The following NXPH4 variants were observed in gnomAD, a reference collection of about 807,000 sequenced individuals.
NXPH4 encodes the protein neurexophilin-4.
A neutral mutation model predicts 21.3 loss-of-function variants in NXPH4; 8 were observed. The ratio of observed to expected loss-of-function variants is 0.38; its 90% CI spans 0.22 to 0.68. NXPH4 has a LOEUF of 0.68. Among genes scored for constraint, NXPH4 ranks in the 30% least tolerant of loss-of-function variants. The probability of loss-of-function intolerance (pLI) is 0.53; values close to 1 mark genes in which losing one functional copy is unlikely to be tolerated. For missense variants in NXPH4, 418 were observed against 416.8 expected (o/e 1.00, Z -0.03); for synonymous variants, 219 against 192.6 (o/e 1.14, Z -1.13).
intron 1 of NXPH4, among the ~76,000 whole-genome samples, chr12:57,223,834 C>G (rs374031115): frequency 6.6e-6 from 1 of 152,248 alleles, no homozygotes; most frequent in Non-Finnish European, 1.5e-5. Flanking sequence ...ATCTTGTCCT[C>G]GAGCCCATGC....
At chr12:57,224,807 C>T in intron 1 of NXPH4, 71 bp from the exon 2 acceptor site, 1 of 518,646 alleles carries the variant, frequency 1.9e-6, no homozygotes, top group Non-Finnish European at 3.3e-6. Flanking sequence ...AAGGGACTGG[C>T]GTCGATAGGG....
rs2037042327 is a variant in NXPH4, at chr12:57,216,841, TCCCGCC to T, written c.-128_-123del. 1.6e-3 allele frequency: 3 copies of T among 1,850 alleles called. No homozygotes were observed. Among genetic ancestry groups the T allele is most frequent in the Admixed American group, 0.019 (2 of 108 alleles). 0.1% of individuals were successfully genotyped at this position (1,850 alleles called of 1,614,324 possible). ...CCCAGTCCGCGGGCCGCGCCGCCGCTCCCGCCGCTCCCGCCGCTCCCGCCGCTCCCG... is the reference window on the plus strand; with the variant it reads ...CCCAGTCCGCGGGCCGCGCCGCCGCTGCTCCCGCCGCTCCCGCCGCTCCCG... On this transcript the variant is annotated 5_prime_UTR_variant, in exon 1 of 2. Transcript: ENST00000349394. This position sits in a 1 kb window ranked among gnomAD's most constrained non-coding sequence, Gnocchi z 5.3.
Position 57,219,626 on chromosome 12 carries a change from T to TA in NXPH4, c.57+2602dup, listed in dbSNP as rs367987075. ...CCACACCCTCCTCTAGCCCCCCAGC[T>TA]AATCTCTGCCTGGGCCACTTAGGCA... is the stretch of plus-strand genomic sequence containing the variant. On this transcript the variant is annotated intron_variant, in intron 1 of 1. Coordinates refer to ENST00000349394, the MANE Select transcript of NXPH4 (RefSeq NM_007224.4). Among the ~76,000 whole-genome samples the TA allele has an allele frequency of 2.6e-3, 389 of 152,266 alleles. 1 individual carries two copies. Among genetic ancestry groups the TA allele is most frequent in the African/African-American group, 9.0e-3 (376 of 41,548 alleles).
At position 57,225,069 on chromosome 12, in the gene NXPH4, CG is replaced by C; in HGVS notation, c.253del (p.Ala85ArgfsTer40). ...TGALARAGAA[G>X]ALPAQRTKRK... ...GGGCGCTGGCCCGGGCAGGGGCAGC[CG>C]GGGCGTTGCCCGCGCAGCGCACCAA... On this transcript the variant is annotated frameshift_variant, in exon 2 of 2. Coordinates refer to ENST00000349394, the MANE Select transcript of NXPH4 (RefSeq NM_007224.4). LOFTEE classifies it high-confidence loss of function. The C allele has an allele frequency of 1.4e-6, 2 of 1,474,828 alleles. No homozygotes were observed. The highest frequency in any genetic ancestry group is 1.8e-6 in the Non-Finnish European group (2 of 1,111,328). The allele number at this position is 1,474,828 out of a possible 1,614,324, so 91.4% of individuals were successfully genotyped here.
At chr12:57,222,727 C>G (rs558201269) in intron 1 of NXPH4, among the ~76,000 whole-genome samples, 4 of 152,264 alleles carry the variant, frequency 2.6e-5, no homozygotes, top group African/African-American at 9.6e-5. Context: ...CCTCCACCCT[C>G]TCTCAGGCCC....
chr12:57,225,438 C>G lies in NXPH4; in HGVS notation c.618C>G (p.Gly206=). Residue 206 remains glycine (G), a synonymous_variant, in exon 2 of 2, where the codon GGC becomes GGG. Coordinates refer to ENST00000349394, the MANE Select transcript of NXPH4 (RefSeq NM_007224.4). ...CAGCGGCGGGGCCCGGGCTTGGGGG[C>G]TCCCTCGGGGGCGCACTGGCGGGGC... The part of the protein sequence containing the change: ...AAAAAGPGLG[G]SLGGALAGPL... 1 of 1,603,316 alleles carries G rather than the reference C, an allele frequency of 6.2e-7. No individual in the cohort carries two copies. The highest frequency in any genetic ancestry group is 8.5e-7 in the Non-Finnish European group (1 of 1,177,658).
intron 1 of NXPH4, among the ~76,000 whole-genome samples, chr12:57,218,791 G>T (rs1051695185): frequency 6.6e-6 from 1 of 152,222 alleles, no homozygotes; most frequent in Non-Finnish European, 1.5e-5. Context: ...GCGGGTGTGT[G>T]AATATGTATA....
Position 57,217,806 on chromosome 12 carries a change from TC to T in NXPH4, c.57+781del, listed in dbSNP as rs529021155. ...GCTTCAACCTGCGAACATGCTGTGC[TC>T]ATATGTGCTGGGTGGAGGGCGTGGG... On this transcript the variant is annotated intron_variant, in intron 1 of 1. Coordinates refer to ENST00000349394, the MANE Select transcript of NXPH4 (RefSeq NM_007224.4). 1.7e-4 allele frequency among the ~76,000 whole-genome samples: 26 copies of T among 152,354 alleles called. 1 individual carries two copies. In the South Asian group the frequency reaches 5.0e-3, roughly 29 times the overall value.
chr12:57,221,405 G>A (rs766464959), intron 1 of NXPH4: 10 of 454,938 alleles, frequency 2.2e-5, no homozygotes, highest in South Asian at 1.2e-4. Context: ...GGAGGCCCAG[G>A]GGAGGTGCAC....
rs779346091 is a variant in NXPH4 at position 57,224,865 on chromosome 12, T to C, written c.58-13T>C. Reference sequence around the variant, plus strand: ...AACCCCAGCGTCTCTCTCTCCTCTTTCTTCGTGCACAGGCCGTCAGTGCCC... The same window carrying C: ...AACCCCAGCGTCTCTCTCTCCTCTTCCTTCGTGCACAGGCCGTCAGTGCCC... On this transcript the variant is annotated splice_polypyrimidine_tract_variant and intron_variant, in intron 1 of 1. Transcript: ENST00000349394. 14 of 780,130 alleles carry C rather than the reference T, an allele frequency of 1.8e-5. No individual in the cohort carries two copies. The highest frequency in any genetic ancestry group is 3.1e-5 in the Admixed American group (1 of 32,586). 48.3% of individuals were successfully genotyped at this position (780,130 alleles called of 1,614,324 possible). A position where few individuals can be genotyped will look rare whatever the true frequency, so the allele number is the denominator to read the frequency against.
chr12:57,224,884 A>G lies in NXPH4; in HGVS notation c.64A>G (p.Ser22Gly). Residue 22 changes from serine (S) to glycine (G), a missense_variant, in exon 2 of 2, where the codon AGT becomes GGT. Ser to Gly is a moderately conservative substitution (Grantham distance 56, BLOSUM62 0). Coordinates refer to ENST00000349394, the MANE Select transcript of NXPH4 (RefSeq NM_007224.4). The stretch of plus-strand genomic sequence containing the variant: ...CCTCTTTCTTCGTGCACAGGCCGTC[A>G]GTGCCCAGATACCAGAGTCCGGAAG... ...FGPWLLRKAV[S>G]AQIPESGRPQ... is the part of the protein sequence containing the mutation. The G allele has an allele frequency of 1.1e-6, 1 of 916,810 alleles. No individual in the cohort carries two copies. The highest frequency in any genetic ancestry group is 2.4e-5 in the South Asian group (1 of 41,826). 56.8% of individuals were successfully genotyped at this position (916,810 alleles called of 1,614,324 possible).
intron 1 of NXPH4, among the ~76,000 whole-genome samples, chr12:57,219,396 C>A (rs998819083): frequency 6.6e-6 from 1 of 152,216 alleles, no homozygotes; most frequent in African/African-American, 2.4e-5. Context: ...TCCCCGACCC[C>A]TTGCCAAAGC....
At chr12:57,218,706 G>A (rs2037062031) in intron 1 of NXPH4, among the ~76,000 whole-genome samples, 1 of 152,244 alleles carries the variant, frequency 6.6e-6, no homozygotes, top group African/African-American at 2.4e-5. Context: ...CCGTGTTGGA[G>A]TCAACAGGGA....
chr12:57,225,204 C>A lies in NXPH4; in HGVS notation c.384C>A (p.Ile128=). The A allele has an allele frequency of 6.3e-7, 1 of 1,589,954 alleles. No individual in the cohort carries two copies. The highest frequency in any genetic ancestry group is 8.6e-7 in the Non-Finnish European group (1 of 1,168,276). ...LKFSLLVTGK[I]VDHVNGTFSV... ...TTTCGCTGCTGGTGACCGGCAAGATCGTGGACCATGTGAACGGTACCTTCA... is the reference window on the plus strand; with the variant it reads ...TTTCGCTGCTGGTGACCGGCAAGATAGTGGACCATGTGAACGGTACCTTCA... Residue 128 remains isoleucine, a synonymous_variant, in exon 2 of 2, where the codon ATC becomes ATA. Transcript: ENST00000349394.
intron 1 of NXPH4, among the ~76,000 whole-genome samples, chr12:57,220,184 G>A (rs1160728016): frequency 6.6e-6 from 1 of 152,132 alleles, no homozygotes; most frequent in African/African-American, 2.4e-5. Flanking sequence ...CAGTGGGGAT[G>A]GGGAGCAGGG....
At chr12:57,221,869 T>G (rs1355075102) in intron 1 of NXPH4, among the ~76,000 whole-genome samples, 1 of 152,028 alleles carries the variant, frequency 6.6e-6, no homozygotes, top group Non-Finnish European at 1.5e-5. Context: ...CCCATGTTGC[T>G]GGAGACAGAC....
intron 1 of NXPH4, among the ~76,000 whole-genome samples, chr12:57,218,783 G>A (rs1282266942): frequency 3.9e-5 from 6 of 152,056 alleles, no homozygotes; most frequent in Non-Finnish European, 5.9e-5. Flanking sequence ...TACACACTGC[G>A]GGTGTGTGAA....
chr12:57,219,372 CCTCT>C (rs1249837509), intron 1 of NXPH4, among the ~76,000 whole-genome samples: 1 of 152,150 alleles, frequency 6.6e-6, no homozygotes, highest in South Asian at 2.1e-4. Context: ...GACTCCTTTC[CCTCT>C]CTCTCTGTCT....
In NXPH4 at chr12:57,225,032, C is replaced by A. The variant is rs1335110672; in HGVS notation, c.212C>A (p.Thr71Asn). The change falls in exon 2 of 2, where the codon ACC becomes AAC. Residue 71 changes from threonine to asparagine, a missense_variant. Thr to Asn is a moderately conservative substitution (Grantham distance 65, BLOSUM62 0). Coordinates refer to ENST00000349394, the MANE Select transcript of NXPH4 (RefSeq NM_007224.4). ...CGCGCCTGGAGCTGGGCCTGGCCGACCAACCACACGGGGGCGCTGGCCCGG... is the reference window on the plus strand; with the variant it reads ...CGCGCCTGGAGCTGGGCCTGGCCGAACAACCACACGGGGGCGCTGGCCCGG... ...VGRAWSWAWPTNHTGALARAG... is the reference protein window; with the variant it reads ...VGRAWSWAWPNNHTGALARAG... 2 of 1,487,768 alleles carry A rather than the reference C, an allele frequency of 1.3e-6. No individual in the cohort carries two copies. Among genetic ancestry groups the A allele is most frequent in the Non-Finnish European group, 1.8e-6 (2 of 1,117,086 alleles). The allele number at this position is 1,487,768 out of a possible 1,614,324, so 92.2% of individuals were successfully genotyped here.
Sources: gnomAD v4.1 joint callset for allele counts (sites outside exome capture counted in the v4.1 genomes callset) on GRCh38, gnomAD v4.1.1 for gene constraint, Gnocchi (gnomAD v3.1) non-coding constraint, MANE v1.5 for transcripts, NCBI Gene and HGNC (gene_info 2026-07-23, HGNC 2026-07-21) for gene names.